Variants in CALB1 observed in about 807,000 individuals in gnomAD.
CALB1 encodes calbindin 1, also known as calbindin.
A neutral mutation model predicts 46.7 loss-of-function variants in CALB1; 16 were observed. That is an observed-to-expected ratio of 0.34 (90% CI 0.23 to 0.52). CALB1 has a LOEUF of 0.52. Among genes scored for constraint, CALB1 ranks in the 20% least tolerant of loss-of-function variants. CALB1 has a pLI of 0.95. For synonymous variants in CALB1, 90 were observed against 112.8 expected, an observed-to-expected ratio of 0.80 and a Z score of 1.28; for missense variants, 224 against 300.3, an observed-to-expected ratio of 0.75 and a Z score of 1.88.
intron 3 of CALB1, among the ~76,000 whole-genome samples, chr8:90,077,505 G>A (rs1450249919): frequency 1.3e-5 from 2 of 151,848 alleles, no homozygotes; most frequent in Non-Finnish European, 2.9e-5. Flanking sequence ...GTTATGATTT[G>A]GCATATTTCA....
chr8:90,063,568 T>A, intron 6 of CALB1, 107 bp from the exon 7 acceptor site: 1 of 878,916 alleles, frequency 1.1e-6, no homozygotes, highest in Non-Finnish European at 1.8e-6. Context: ...CTTGTATATA[T>A]GCAGTAAAAT....
chr8:90,075,463 T>C (rs534371169), intron 3 of CALB1, among the ~76,000 whole-genome samples: 1 of 152,314 alleles, frequency 6.6e-6, no homozygotes, highest in East Asian at 1.9e-4. Context: ...GGTAGATTAT[T>C]ATAAATTGTA....
chr8:90,061,481 C>T (rs1007920586), intron 9 of CALB1: 40 of 151,672 alleles, frequency 2.6e-4, no homozygotes, highest in African/African-American at 9.0e-4. Flanking sequence ...GAGAGAAAAC[C>T]CTAAAGACCT....
intron 3 of CALB1, among the ~76,000 whole-genome samples, chr8:90,071,973 T>C (rs12541412): frequency 0.037 from 5,598 of 152,306 alleles, 168 homozygotes; most frequent in East Asian, 0.1. Context: ...GTTATATGCC[T>C]GAAATAAATG....
Position 90,060,051 on chromosome 8 carries a change from G to A in CALB1, c.*122C>T. On this transcript the variant is annotated 3_prime_UTR_variant, in exon 11 of 11. Transcript: ENST00000265431. ...CTGAAAAGAATGAGCCACACATCCT[G>A]GATAATTATCTATATGCAGTTAAAT... 3.0e-6 allele frequency: 2 copies of A among 667,710 alleles called. No individual in the cohort carries two copies. The highest frequency in any genetic ancestry group is 1.8e-5 in the South Asian group (1 of 56,262). The allele number at this position is 667,710 out of a possible 1,614,324, so 41.4% of individuals were successfully genotyped here. A position where few individuals can be genotyped will look rare whatever the true frequency, so the allele number is the denominator to read the frequency against.
chr8:90,063,424 T>G lies in CALB1; in HGVS notation c.488A>C (p.Glu163Ala). ...LFDSNNDGKLELTEMARLLPV... is the reference protein window; with the variant it reads ...LFDSNNDGKLALTEMARLLPV... ...AACTCACCTGGCCATCTCAGTTAAT[T>G]CCAGCTTCCCATCATTATTTGAATC... The change falls in exon 7 of 11, where the codon GAA (glutamate) becomes GCA (alanine). Residue 163 changes from glutamate to alanine, a missense_variant. Transcript: ENST00000265431. 6.2e-7 allele frequency: 1 copy of G among 1,611,254 alleles called. No individual in the cohort carries two copies. Among genetic ancestry groups the G allele is most frequent in the South Asian group, 1.1e-5 (1 of 90,904 alleles).
At chr8:90,068,640 CTTCT>C (rs1814442921) in intron 5 of CALB1, among the ~76,000 whole-genome samples, 1 of 152,138 alleles carries the variant, frequency 6.6e-6, no homozygotes, top group African/African-American at 2.4e-5. Flanking sequence ...GTAACTTTTT[CTTCT>C]TTCTTTTGTA....
At chr8:90,075,095 G>C (rs1051075134) in intron 3 of CALB1, among the ~76,000 whole-genome samples, 1 of 152,144 alleles carries the variant, frequency 6.6e-6, no homozygotes, top group African/African-American at 2.4e-5. Flanking sequence ...TTTCTAAACT[G>C]TATTTGTGTG....
intron 6 of CALB1, among the ~76,000 whole-genome samples, chr8:90,064,940 A>C (rs1814364844): frequency 6.6e-6 from 1 of 151,880 alleles, no homozygotes; most frequent in Admixed American, 6.6e-5. Context: ...AGTTACATCA[A>C]ATATAATCAA....
At chr8:90,068,503 G>A (rs1814440157) in intron 5 of CALB1, among the ~76,000 whole-genome samples, 1 of 152,154 alleles carries the variant, frequency 6.6e-6, no homozygotes, top group African/African-American at 2.4e-5. Flanking sequence ...CGATTTCTGT[G>A]TGGCCTTCAG....
At chr8:90,072,908 A>T (rs1327962394) in intron 3 of CALB1, among the ~76,000 whole-genome samples, 1 of 152,112 alleles carries the variant, frequency 6.6e-6, no homozygotes, top group Non-Finnish European at 1.5e-5. Flanking sequence ...TATCAAGGGG[A>T]TGAGTGGAAG....
In CALB1 at chr8:90,067,894, G is replaced by C. The variant is rs117949229; in HGVS notation, c.372+1104C>G. Among the ~76,000 whole-genome samples the C allele has an allele frequency of 9.3e-4, 141 of 152,192 alleles. 1 individual carries two copies. In the East Asian group the frequency reaches 0.023, roughly 25 times the overall value. ...TTCCAATCTCACTGTTTTTATATTA[G>C]GAGTGATAATACCTGCCTTGCATAT... On this transcript the variant is annotated intron_variant, in intron 5 of 10. Coordinates refer to ENST00000265431, the MANE Select transcript of CALB1 (RefSeq NM_004929.4).
chr8:90,075,101 G>C (rs1440563206), intron 3 of CALB1, among the ~76,000 whole-genome samples: 2 of 152,118 alleles, frequency 1.3e-5, no homozygotes, highest in African/African-American at 4.8e-5. Context: ...AACTGTATTT[G>C]TGTGGATTTT....
chr8:90,078,410 T>C lies in CALB1; in HGVS notation c.194A>G (p.Tyr65Cys), dbSNP rs766890642. Residue 65 changes from tyrosine (Y) to cysteine (C), a missense_variant, in exon 3 of 11, where the codon TAT (tyrosine) becomes TGT (cysteine). Physicochemically the swap from Tyr to Cys is radical, Grantham distance 194. Coordinates refer to ENST00000265431, the MANE Select transcript of CALB1 (RefSeq NM_004929.4). ...SPEMKTFVDQYGQRDDGKIGI... is the reference protein window; with the variant it reads ...SPEMKTFVDQCGQRDDGKIGI... ...TATTTTTCCATCATCTCTTTGCCCATACTGATCCACAAAAGTTTTCATTTC... is the reference window on the plus strand; with the variant it reads ...TATTTTTCCATCATCTCTTTGCCCACACTGATCCACAAAAGTTTTCATTTC... 3.1e-6 allele frequency: 5 copies of C among 1,595,686 alleles called. No individual in the cohort carries two copies. In the Admixed American group the frequency reaches 5.1e-5, roughly 16 times the overall value.
chr8:90,077,184 C>G (rs908585674), intron 3 of CALB1, among the ~76,000 whole-genome samples: 9 of 151,956 alleles, frequency 5.9e-5, no homozygotes, highest in African/African-American at 2.2e-4. Flanking sequence ...ATATGTCTAT[C>G]TGTAAGTCCC....
intron 3 of CALB1, among the ~76,000 whole-genome samples, chr8:90,075,657 C>T (rs1391831598): frequency 6.6e-6 from 1 of 152,146 alleles, no homozygotes; most frequent in East Asian, 1.9e-4. Context: ...ATTTCCTACT[C>T]TCCCTTTCCA....
chr8:90,082,665 G>C lies in CALB1; in HGVS notation c.33C>G (p.Ile11Met). The C allele has an allele frequency of 6.2e-6, 10 of 1,614,164 alleles. No homozygotes were observed. Among genetic ancestry groups the C allele is most frequent in the Non-Finnish European group, 8.5e-6 (10 of 1,179,990 alleles). Residue 11 changes from isoleucine (I) to methionine (M), a missense_variant, in exon 1 of 11, where the codon ATC becomes ATG. Coordinates refer to ENST00000265431, the MANE Select transcript of CALB1 (RefSeq NM_004929.4). MAESHLQSSL[I>M]TASQFFEIWL... Reference sequence around the variant, plus strand: ...AGATCTCGAAAAACTGTGAGGCTGTGATGAGGGATGACTGCAGGTGGGATT... The same window carrying C: ...AGATCTCGAAAAACTGTGAGGCTGTCATGAGGGATGACTGCAGGTGGGATT...
At chr8:90,062,231 ACTC>A (rs919711052) in intron 9 of CALB1, 16 of 152,048 alleles carry the variant, frequency 1.1e-4, no homozygotes, top group African/African-American at 3.1e-4. Flanking sequence ...AAACTGTAAA[ACTC>A]CTAGAAGCAA....
intron 2 of CALB1, 90 bp from the exon 3 acceptor site, chr8:90,078,537 C>A: frequency 1.4e-6 from 1 of 717,548 alleles, no homozygotes; most frequent in Non-Finnish European, 2.4e-6. Flanking sequence ...AAAGAAAAAC[C>A]AAAATTAGAA....
Sources: allele counts gnomAD v4.1 joint callset (sites outside exome capture counted in the v4.1 genomes callset), GRCh38; gene constraint gnomAD v4.1.1; transcripts MANE v1.5; gene names NCBI Gene and HGNC (gene_info 2026-07-23, HGNC 2026-07-21).